Variants in FGD5 observed in about 807,000 individuals in gnomAD.
FGD5 encodes the protein FYVE, RhoGEF and PH domain-containing protein 5.
A neutral mutation model predicts 133.4 loss-of-function variants in FGD5; 28 were observed. That is an observed-to-expected ratio of 0.21 (90% CI 0.16 to 0.29). The LOEUF (loss-of-function observed/expected upper bound fraction) is 0.29. FGD5 is among the 10% of genes least tolerant of loss of function. The pLI is 1.00. For missense variants in FGD5, 1,858 were observed against 1,895.2 expected, an observed-to-expected ratio of 0.98 and a Z score of 0.36; for synonymous variants, 810 against 776.5, an observed-to-expected ratio of 1.04 and a Z score of -0.72.
chr3:14,858,140 A>G (rs1158252560), intron 1 of FGD5, among the ~76,000 whole-genome samples: 1 of 152,136 alleles, frequency 6.6e-6, no homozygotes, highest in Non-Finnish European at 1.5e-5. Context: ...GCTCAGAAGT[A>G]ATTTGCACTG....
chr3:14,857,299 A>G (rs1465809560), intron 1 of FGD5, among the ~76,000 whole-genome samples: 1 of 152,084 alleles, frequency 6.6e-6, no homozygotes, highest in Non-Finnish European at 1.5e-5. Context: ...TAATAGCTAT[A>G]GGGATGAGCC....
chr3:14,853,515 C>T (rs1475046512), intron 1 of FGD5, among the ~76,000 whole-genome samples: 14 of 151,712 alleles, frequency 9.2e-5, no homozygotes, highest in Non-Finnish European at 8.8e-5. Context: ...CAGCCTGTCT[C>T]GGAGGGGCTG....
At chr3:14,920,656 C>T (rs545837765) in intron 13 of FGD5, among the ~76,000 whole-genome samples, 3 of 152,324 alleles carry the variant, frequency 2.0e-5, no homozygotes, top group Admixed American at 6.5e-5. Context: ...GTGGTAATGA[C>T]AGCAGTAACA....
At chr3:14,859,559 CA>C (rs1387190737) in intron 1 of FGD5, among the ~76,000 whole-genome samples, 5 of 142,526 alleles carry the variant, frequency 3.5e-5, no homozygotes, top group South Asian at 2.2e-4. Context: ...GACCTCCCCC[CA>C]AAAAAAAATA....
chr3:14,932,589 T>C lies in FGD5; in HGVS notation c.4210T>C (p.Leu1404=). The C allele has an allele frequency of 6.2e-7, 1 of 1,613,568 alleles. No homozygotes were observed. The highest frequency in any genetic ancestry group is 8.5e-7 in the Non-Finnish European group (1 of 1,179,670). ...CTGTCCTCTGCAGGACAAAGTGGCC[T>C]TGGAGAGTATGCCTCTGCTAGGCTT... The part of the protein sequence containing the change: ...TYMASEDKVA[L]ESMPLLGFTI... The change falls in exon 19 of 20, where the codon TTG becomes CTG. Residue 1404 remains leucine, a synonymous_variant. Coordinates refer to ENST00000285046, the MANE Select transcript of FGD5 (RefSeq NM_152536.4).
rs2036440214 is a variant in FGD5, at chr3:14,819,600, A to G, written c.529A>G (p.Ser177Gly). The change falls in exon 1 of 20, where the codon AGC (serine) becomes GGC (glycine). Residue 177 changes from serine to glycine, a missense_variant. Physicochemically the swap from Ser to Gly is moderately conservative, Grantham distance 56. This residue lies in a region of FGD5 where 1,824 missense variants were observed against 1,848.9 expected (regional missense o/e 0.99). Transcript: ENST00000285046. This position sits in a 1 kb window ranked among gnomAD's most constrained non-coding sequence, Gnocchi z 4.1. ...GCTAGTGCAGCCACACAGGGAGTGC[A>G]GCCTGGAGGACAGTGGGCCTTGGGC... ...EKLVQPHREC[S>G]LEDSGPWAGE... 6.4e-7 allele frequency: 1 copy of G among 1,551,366 alleles called. No individual in the cohort carries two copies. The highest frequency in any genetic ancestry group is 1.4e-5 in the African/African-American group (1 of 73,028).
intron 18 of FGD5, chr3:14,931,335 T>G (rs2038895878): frequency 6.6e-6 from 1 of 152,208 alleles, no homozygotes; most frequent in Admixed American, 6.5e-5. Context: ...TGATTCCTTT[T>G]ATTTTAAAAA....
At position 14,901,071 on chromosome 3, in the gene FGD5, G is replaced by A; in HGVS notation, c.3264+10G>A. 6.2e-7 allele frequency: 1 copy of A among 1,613,918 alleles called. No individual in the cohort carries two copies. Among genetic ancestry groups the A allele is most frequent in the Non-Finnish European group, 8.5e-7 (1 of 1,179,812 alleles). On this transcript the variant is annotated intron_variant, in intron 9 of 19. Coordinates refer to ENST00000285046, the MANE Select transcript of FGD5 (RefSeq NM_152536.4). ...CAGCATGGAGCAAGGGGTGAGTGCG[G>A]CCTGGCGGCCCCCTTCCTCAGACAC...
Position 14,917,411 on chromosome 3 carries a change from A to G in FGD5, c.3489+79A>G. 1 of 1,301,342 alleles carries G rather than the reference A, an allele frequency of 7.7e-7. No homozygotes were observed. Among genetic ancestry groups the G allele is most frequent in the South Asian group, 1.3e-5 (1 of 77,220 alleles). The allele number at this position is 1,301,342 out of a possible 1,614,324, so 80.6% of individuals were successfully genotyped here. On this transcript the variant is annotated intron_variant, in intron 12 of 19. Transcript: ENST00000285046. This position sits in a 1 kb window ranked among gnomAD's most constrained non-coding sequence, Gnocchi z 4.1. ...GAGAAGGGGACAGCATCCTGCTCCC[A>G]GGAGCACCCAGACCAGCTGGAAGAG...
intron 9 of FGD5, among the ~76,000 whole-genome samples, chr3:14,903,255 C>T (rs1341975835): frequency 6.6e-6 from 1 of 152,136 alleles, no homozygotes; most frequent in African/African-American, 2.4e-5. Context: ...TTTTTTAAAA[C>T]AATGTTTAAA....
At position 14,825,601 on chromosome 3, in the gene FGD5, A is replaced by G. The variant is rs149409719; in HGVS notation, c.2525+4005A>G. On this transcript the variant is annotated intron_variant, in intron 1 of 19. Transcript: ENST00000285046. ...GAATTTCAGGCTGCATTGAGCTGTCATCATGCCACTGCACTCCAGCCTGGC... is the reference window on the plus strand; with the variant it reads ...GAATTTCAGGCTGCATTGAGCTGTCGTCATGCCACTGCACTCCAGCCTGGC... Among the ~76,000 whole-genome samples, 260 of 152,280 alleles carry G rather than the reference A, an allele frequency of 1.7e-3. 3 individuals carry two copies. The highest frequency in any genetic ancestry group is 5.5e-3 in the African/African-American group (230 of 41,556).
At position 14,820,801 on chromosome 3, in the gene FGD5, A is replaced by G; in HGVS notation, c.1730A>G (p.Lys577Arg). 1 of 1,613,860 alleles carries G rather than the reference A, an allele frequency of 6.2e-7. No homozygotes were observed. The highest frequency in any genetic ancestry group is 8.5e-7 in the Non-Finnish European group (1 of 1,179,852). The part of the protein sequence containing the change: ...EGSGLDDHRI[K>R]RKEDNLSLSC... ...TCAGGGTTGGATGACCACAGGATAA[A>G]GAGGAAAGAGGACAATCTCTCTCTG... Residue 577 changes from lysine to arginine, a missense_variant, in exon 1 of 20, where the codon AAG becomes AGG. Transcript: ENST00000285046.
intron 16 of FGD5, 28 bp from the exon 17 acceptor site, chr3:14,923,980 C>T (rs534254919): frequency 2.8e-5 from 45 of 1,613,508 alleles, no homozygotes; most frequent in Non-Finnish European, 3.7e-5. Context: ...CTCTCACCTC[C>T]CTTCCATGTG....
chr3:14,850,078 C>G (rs1217209216), intron 1 of FGD5, among the ~76,000 whole-genome samples: 2 of 152,200 alleles, frequency 1.3e-5, no homozygotes, highest in African/African-American at 4.8e-5. Context: ...CTGCATCCTC[C>G]CCAGCTGCCT....
intron 2 of FGD5, among the ~76,000 whole-genome samples, chr3:14,874,075 C>T (rs2037668608): frequency 1.3e-5 from 2 of 149,902 alleles, no homozygotes; most frequent in Admixed American, 1.3e-4. Flanking sequence ...AAAATGTGGT[C>T]TGTGTATACA....
At position 14,922,082 on chromosome 3, in the gene FGD5, T is replaced by G; in HGVS notation, c.3669+65T>G. On this transcript the variant is annotated intron_variant, in intron 14 of 19. Coordinates refer to ENST00000285046, the MANE Select transcript of FGD5 (RefSeq NM_152536.4). This position sits in a 1 kb window ranked among gnomAD's most constrained non-coding sequence, Gnocchi z 4.1. ...AGACCTGGGGTTCCCTGGGCGGGCA[T>G]TGCTGTTGCCACTCACACCCAGATG... The G allele has an allele frequency of 6.7e-7, 1 of 1,494,010 alleles. No individual in the cohort carries two copies. Among genetic ancestry groups the G allele is most frequent in the Non-Finnish European group, 9.1e-7 (1 of 1,097,110 alleles). The allele number at this position is 1,494,010 out of a possible 1,614,324, so 92.5% of individuals were successfully genotyped here.
intron 1 of FGD5, among the ~76,000 whole-genome samples, chr3:14,834,922 G>T (rs770697119): frequency 2.8e-4 from 42 of 152,216 alleles, no homozygotes; most frequent in Non-Finnish European, 1.3e-4. Context: ...ATCTGCCACT[G>T]CATTATATGT....
intron 11 of FGD5, among the ~76,000 whole-genome samples, chr3:14,914,356 G>T (rs1316786531): frequency 6.6e-6 from 1 of 152,196 alleles, no homozygotes; most frequent in African/African-American, 2.4e-5. Context: ...CTGCCCCCTG[G>T]TGGCTTCTTA....
chr3:14,851,470 G>A (rs915654431), intron 1 of FGD5, among the ~76,000 whole-genome samples: 1 of 152,184 alleles, frequency 6.6e-6, no homozygotes, highest in Non-Finnish European at 1.5e-5. Flanking sequence ...TGACCAAAAT[G>A]TTAGAGCCAG....
Sources: gnomAD v4.1 joint callset for allele counts (sites outside exome capture counted in the v4.1 genomes callset) on GRCh38, gnomAD v4.1.1 for gene constraint, gnomAD v4.1.1 regional missense constraint, Gnocchi (gnomAD v3.1) non-coding constraint, MANE v1.5 for transcripts, NCBI Gene and HGNC (gene_info 2026-07-23, HGNC 2026-07-21) for gene names.